The following SLC14A2 variants were observed in gnomAD, a reference collection of about 807,000 sequenced individuals.
SLC14A2 encodes urea transporter 2.
Under a neutral mutation model 104.6 loss-of-function variants are expected in SLC14A2, and 91 were observed. The ratio of observed to expected loss-of-function variants is 0.87; its 90% CI spans 0.73 to 1.04. The LOEUF (loss-of-function observed/expected upper bound fraction) is 1.04. SLC14A2 is among the 50% of genes least tolerant of loss of function. The pLI is 0.00. For synonymous variants in SLC14A2, 476 were observed against 466.4 expected (o/e 1.02, Z -0.27); for missense variants, 1,189 against 1,156.0 (o/e 1.03, Z -0.41).
chr18:45,238,599 T>C (rs1599602327), intron 1 of SLC14A2, among the ~76,000 whole-genome samples: 2 of 152,334 alleles, frequency 1.3e-5, no homozygotes, highest in East Asian at 3.9e-4. Flanking sequence ...TGATTTTATT[T>C]TTATAAACTG....
At chr18:45,387,341 C>G (rs2085908999) in intron 1 of SLC14A2, among the ~76,000 whole-genome samples, 1 of 152,154 alleles carries the variant, frequency 6.6e-6, no homozygotes, top group African/African-American at 2.4e-5. Context: ...ATGCCCTGCC[C>G]CCCAAACAAG....
intron 1 of SLC14A2, among the ~76,000 whole-genome samples, chr18:45,300,996 A>T (rs2084963149): frequency 6.6e-6 from 1 of 152,228 alleles, no homozygotes; most frequent in Non-Finnish European, 1.5e-5. Flanking sequence ...TGACTTTGGC[A>T]TTGAAGCATG....
At chr18:45,520,269 C>T (rs898151253) in intron 2 of SLC14A2, among the ~76,000 whole-genome samples, 2 of 152,134 alleles carry the variant, frequency 1.3e-5, no homozygotes, top group African/African-American at 4.8e-5. Flanking sequence ...GATATTGAGT[C>T]CCTAACAGGT....
At chr18:45,662,844 C>T (rs1194014813) in intron 10 of SLC14A2, among the ~76,000 whole-genome samples, 1 of 152,078 alleles carries the variant, frequency 6.6e-6, no homozygotes, top group Non-Finnish European at 1.5e-5. Context: ...ACTGCATACC[C>T]CCCAGGATCA....
At position 45,665,688 on chromosome 18, in the gene SLC14A2, C is replaced by CTTTTTTTT. The variant is rs146248418; in HGVS notation, c.1475-428_1475-421dup. On this transcript the variant is annotated intron_variant, in intron 11 of 19. Transcript: ENST00000255226. ...AAGGGCTTCAACAACAACCAAGTTT[C>CTTTTTTTT]TTTTTTTTTTTTTTTTTTTTTTTTT... is the stretch of plus-strand genomic sequence containing the variant. 1.8e-3 allele frequency among the ~76,000 whole-genome samples: 146 copies of CTTTTTTTT among 79,300 alleles called. 7 individuals carry two copies. Among genetic ancestry groups the CTTTTTTTT allele is most frequent in the African/African-American group, 6.4e-3 (116 of 18,132 alleles). 52.0% of individuals were successfully genotyped at this position (79,300 alleles called of 152,430 possible). A position where few individuals can be genotyped will look rare whatever the true frequency, so the allele number is the denominator to read the frequency against.
intron 2 of SLC14A2, among the ~76,000 whole-genome samples, chr18:45,580,319 G>A (rs916514697): frequency 3.3e-5 from 5 of 152,208 alleles, no homozygotes; most frequent in South Asian, 2.1e-4. Context: ...TGTGGTCATC[G>A]TCAGCAGATC....
chr18:45,490,162 C>A (rs1158459431), intron 2 of SLC14A2, among the ~76,000 whole-genome samples: 5 of 152,020 alleles, frequency 3.3e-5, no homozygotes, highest in African/African-American at 4.8e-5. Flanking sequence ...CAAGAACAGT[C>A]CAAAGAAATT....
intron 2 of SLC14A2, among the ~76,000 whole-genome samples, chr18:45,572,713 A>G (rs2044365395): frequency 6.6e-6 from 1 of 152,210 alleles, no homozygotes; most frequent in Non-Finnish European, 1.5e-5. Flanking sequence ...TTGTCATCGT[A>G]TATACCACTT....
chr18:45,295,327 A>G (rs1185399784), intron 1 of SLC14A2, among the ~76,000 whole-genome samples: 1 of 152,066 alleles, frequency 6.6e-6, no homozygotes, highest in Non-Finnish European at 1.5e-5. Context: ...GAATAGGGGA[A>G]TACTCATGGA....
intron 2 of SLC14A2, among the ~76,000 whole-genome samples, chr18:45,501,631 G>C (rs1598926687): frequency 6.6e-6 from 1 of 152,158 alleles, no homozygotes; most frequent in East Asian, 1.9e-4. Context: ...CGGGACACTG[G>C]GCAAGGATAA....
intron 1 of SLC14A2, among the ~76,000 whole-genome samples, chr18:45,244,927 A>T (rs2084354268): frequency 6.6e-6 from 1 of 152,164 alleles, no homozygotes; most frequent in Admixed American, 6.5e-5. Context: ...CCTACCAATA[A>T]AGTGTCATGT....
chr18:45,666,128 T>C lies in SLC14A2; in HGVS notation c.1475-9T>C. 6.2e-7 allele frequency: 1 copy of C among 1,609,118 alleles called. No homozygotes were observed. Among genetic ancestry groups the C allele is most frequent in the South Asian group, 1.1e-5 (1 of 90,964 alleles). On this transcript the variant is annotated splice_polypyrimidine_tract_variant and intron_variant, in intron 11 of 19. Transcript: ENST00000255226. Reference sequence around the variant, plus strand: ...CCTAACTGATGGTGCTCTTTCCTTCTAACTCCAGTGTTTGGAAAAGGCGAA... The same window carrying C: ...CCTAACTGATGGTGCTCTTTCCTTCCAACTCCAGTGTTTGGAAAAGGCGAA...
chr18:45,679,233 TATC>T (rs2046277381), intron 19 of SLC14A2, among the ~76,000 whole-genome samples: 1 of 152,256 alleles, frequency 6.6e-6, no homozygotes, highest in African/African-American at 2.4e-5. Context: ...AATCCATTCC[TATC>T]ATCAGTAGGC....
Position 45,444,689 on chromosome 18 carries a change from A to G in SLC14A2, c.-124-38544A>G, listed in dbSNP as rs542329862. Reference sequence around the variant, plus strand: ...TGAAACTGGTGAGCCAGCTTTCTCTATTTCATTTTATCTAATGGCTGTAAT... The same window carrying G: ...TGAAACTGGTGAGCCAGCTTTCTCTGTTTCATTTTATCTAATGGCTGTAAT... On this transcript the variant is annotated intron_variant, in intron 1 of 20. Transcript: ENST00000586448. Among the ~76,000 whole-genome samples, 8 of 152,302 alleles carry G rather than the reference A, an allele frequency of 5.3e-5. No individual in the cohort carries two copies. In the South Asian group the frequency reaches 1.7e-3, roughly 32 times the overall value.
At chr18:45,672,821 A>G (rs1531926) in intron 16 of SLC14A2, 79 bp from the exon 17 acceptor site, 1,347,833 of 1,348,608 alleles carry the variant, frequency 1, 673,535 homozygotes, top group Middle Eastern at 1. Context: ...GGAAGGGTTC[A>G]GTGCCAAGTC....
At chr18:45,394,980 A>G (rs2086012749) in intron 1 of SLC14A2, among the ~76,000 whole-genome samples, 2 of 152,192 alleles carry the variant, frequency 1.3e-5, no homozygotes, top group South Asian at 2.1e-4. Flanking sequence ...TACTTACCAA[A>G]AAGAATTGAA....
chr18:45,636,441 A>C (rs747540856), intron 5 of SLC14A2, among the ~76,000 whole-genome samples: 33 of 152,226 alleles, frequency 2.2e-4, no homozygotes, highest in South Asian at 6.2e-4. Flanking sequence ...AAGATGAAGA[A>C]GACAGAGGGT....
chr18:45,332,325 A>G (rs993477456), intron 1 of SLC14A2, among the ~76,000 whole-genome samples: 4 of 152,214 alleles, frequency 2.6e-5, no homozygotes, highest in African/African-American at 9.6e-5. Flanking sequence ...GCTATTCCCT[A>G]TACAACATAA....
chr18:45,610,409 C>T (rs865990059), intron 2 of SLC14A2, among the ~76,000 whole-genome samples: 6 of 152,224 alleles, frequency 3.9e-5, no homozygotes, highest in East Asian at 3.9e-4. Flanking sequence ...TTCCAGTGCC[C>T]GGGTTACACC....
Sources: gnomAD v4.1 joint callset for allele counts (sites outside exome capture counted in the v4.1 genomes callset) on GRCh38, gnomAD v4.1.1 for gene constraint, MANE v1.5 for transcripts, NCBI Gene and HGNC (gene_info 2026-07-23, HGNC 2026-07-21) for gene names.